MROH1: variants seen among roughly 807,000 people sequenced by gnomAD.
MROH1 encodes the protein maestro heat-like repeat-containing protein family member 1.
Under a neutral mutation model 116.5 loss-of-function variants are expected in MROH1, and 117 were observed. The observed-to-expected ratio is 1.00, with a 90% confidence interval of 0.86 to 1.17. The LOEUF (loss-of-function observed/expected upper bound fraction) is 1.17, where lower values mean the gene tolerates loss of function less well. Ranked by LOEUF, MROH1 falls within the 50% of genes most tolerant of loss-of-function variation. The probability of loss-of-function intolerance (pLI) is 0.00; values close to 1 mark genes in which losing one functional copy is unlikely to be tolerated. For synonymous variants in MROH1, 921 were observed against 583.9 expected (o/e 1.58, Z -8.32); for missense variants, 1,873 against 1,338.5 (o/e 1.40, Z -6.23).
intron 7 of MROH1, among the ~76,000 whole-genome samples, chr8:144,186,455 A>G: frequency 6.6e-6 from 1 of 152,046 alleles, no homozygotes; most frequent in Non-Finnish European, 1.5e-5. Flanking sequence ...CATCACCACA[A>G]AAGAGATCCA....
Position 144,257,663 on chromosome 8 carries a change from CG to C in MROH1, c.3792-1110del, listed in dbSNP as rs1377695759. On this transcript the variant is annotated intron_variant, in intron 35 of 43. Coordinates refer to ENST00000326134, the MANE Select transcript of MROH1 (RefSeq NM_032450.3). ...GAGTAGGGCCTGGCCCCCAGCTTGG[CG>C]GGGCCACTTGTTCCCTGCTAGGCCC... is the stretch of plus-strand genomic sequence containing the variant. Among the ~76,000 whole-genome samples, 35 of 152,328 alleles carry C rather than the reference CG, an allele frequency of 2.3e-4. No homozygotes were observed. The East Asian group carries it at 6.4e-3, about 28-fold the overall frequency.
intron 7 of MROH1, among the ~76,000 whole-genome samples, chr8:144,189,647 G>A (rs1249655433): frequency 6.6e-6 from 1 of 152,226 alleles, no homozygotes; most frequent in East Asian, 1.9e-4. Context: ...CTGGCACACT[G>A]TCAGGAGCCG....
intron 1 of MROH1, among the ~76,000 whole-genome samples, chr8:144,150,827 A>T (rs1816547191): frequency 6.6e-6 from 1 of 152,150 alleles, no homozygotes; most frequent in African/African-American, 2.4e-5. Context: ...AGAGTAGAGC[A>T]TGGTCCCTGG....
At chr8:144,156,771 G>C (rs1471209642) in intron 1 of MROH1, among the ~76,000 whole-genome samples, 4 of 121,410 alleles carry the variant, frequency 3.3e-5, no homozygotes, top group African/African-American at 9.0e-5. Context: ...TTGCTTTGTA[G>C]TTTAATTTCT....
At chr8:144,158,191 C>G (rs977338734) in intron 1 of MROH1, among the ~76,000 whole-genome samples, 133 of 151,636 alleles carry the variant, frequency 8.8e-4, no homozygotes, top group African/African-American at 3.1e-3. Flanking sequence ...TCGGGTTTCA[C>G]CATACTGGCC....
rs1844895133 is a variant in MROH1, at chr8:144,260,788, C to T, written c.4492C>T (p.Pro1498Ser). ...GGACCAGGTGGTGGGCGGGCTGGCGCCCCTGCTGCTGCACCTGCAGGACCC... is the reference window on the plus strand; with the variant it reads ...GGACCAGGTGGTGGGCGGGCTGGCGTCCCTGCTGCTGCACCTGCAGGACCC... ...FLDQVVGGLA[P>S]LLLHLQDPQA... The change falls in exon 40 of 44, where the codon CCC (proline) becomes TCC (serine). Residue 1498 changes from proline to serine, a missense_variant. By Grantham distance (74) the Pro-to-Ser change is moderately conservative (BLOSUM62 -1). Transcript: ENST00000326134. 3.9e-6 allele frequency: 3 copies of T among 778,324 alleles called. No homozygotes were observed. The highest frequency in any genetic ancestry group is 2.7e-5 in the South Asian group (2 of 74,592). The allele number at this position is 778,324 out of a possible 1,614,324, so 48.2% of individuals were successfully genotyped here. A position where few individuals can be genotyped will look rare whatever the true frequency, so the allele number is the denominator to read the frequency against.
At chr8:144,151,808 C>A (rs928363996) in intron 1 of MROH1, among the ~76,000 whole-genome samples, 1 of 152,202 alleles carries the variant, frequency 6.6e-6, no homozygotes, top group African/African-American at 2.4e-5. Flanking sequence ...GTTTGGGCAG[C>A]GGGGCACTGA....
rs538503198 is a variant in MROH1, at chr8:144,168,578, A to G, written c.168+138A>G. On this transcript the variant is annotated intron_variant, in intron 4 of 43. Transcript: ENST00000326134. ...GGTGGCCACATGTCTAACCCCCTCC[A>G]CACGTGCCTATGTCAGGGTGGGTAA... The G allele has an allele frequency of 4.8e-5, 48 of 990,798 alleles. No homozygotes were observed. The African/African-American group carries it at 6.7e-4, about 14-fold the overall frequency. The allele number at this position is 990,798 out of a possible 1,614,324, so 61.4% of individuals were successfully genotyped here.
chr8:144,219,010 T>C (rs937079204), intron 12 of MROH1, among the ~76,000 whole-genome samples: 1 of 133,204 alleles, frequency 7.5e-6, no homozygotes, highest in Non-Finnish European at 1.5e-5. Flanking sequence ...AATTTTTGTG[T>C]TTTTTTTTGT....
At chr8:144,237,745 G>C (rs936497448) in intron 14 of MROH1, among the ~76,000 whole-genome samples, 1 of 152,090 alleles carries the variant, frequency 6.6e-6, no homozygotes, top group Non-Finnish European at 1.5e-5. Flanking sequence ...CTGTCGCTGG[G>C]ATTTTCCTTG....
At chr8:144,254,760 G>T (rs1843403740) in intron 33 of MROH1, 53 bp from the exon 34 acceptor site, 1 of 732,618 alleles carries the variant, frequency 1.4e-6, no homozygotes. Flanking sequence ...GTGGCGGGGG[G>T]CAGGCGCCCT....
In MROH1 at chr8:144,232,998, A is replaced by C. The variant is rs528292112; in HGVS notation, c.1339-5758A>C. 8.6e-5 allele frequency among the ~76,000 whole-genome samples: 13 copies of C among 151,138 alleles called. No individual in the cohort carries two copies. In the East Asian group the frequency reaches 2.6e-3, roughly 30 times the overall value. ...GGCACCACCACACCTGGCTAATATT[A>C]AGTTCTGTTTTTGTAGGGATGGGGT... is the stretch of plus-strand genomic sequence containing the variant. On this transcript the variant is annotated intron_variant, in intron 14 of 43. Coordinates refer to ENST00000326134, the MANE Select transcript of MROH1 (RefSeq NM_032450.3).
At chr8:144,224,354 T>C (rs192182155) in intron 14 of MROH1, among the ~76,000 whole-genome samples, 133 of 152,180 alleles carry the variant, frequency 8.7e-4, no homozygotes, top group Admixed American at 1.6e-3. Context: ...ACTGCAGCCT[T>C]GAACTGTGCT....
At position 144,260,743 on chromosome 8, in the gene MROH1, G is replaced by A. The variant is rs1844885251; in HGVS notation, c.4447G>A (p.Asp1483Asn). Residue 1483 changes from aspartate to asparagine, a missense_variant, in exon 40 of 44, where the codon GAC becomes AAC. Asp to Asn is a conservative substitution (Grantham distance 23). Coordinates refer to ENST00000326134, the MANE Select transcript of MROH1 (RefSeq NM_032450.3). ...GCACCTTAACAAGGTCTGCCACGGA[G>A]ACTGTGAGGACGTCTTCCTGGACCA... Reference protein sequence around the residue: ...FGHLNKVCHGDCEDVFLDQVV... With the variant: ...FGHLNKVCHGNCEDVFLDQVV... 2.6e-6 allele frequency: 2 copies of A among 779,350 alleles called. No individual in the cohort carries two copies. The highest frequency in any genetic ancestry group is 4.8e-6 in the Non-Finnish European group (2 of 417,792). 48.3% of individuals were successfully genotyped at this position (779,350 alleles called of 1,614,324 possible). A position where few individuals can be genotyped will look rare whatever the true frequency, so the allele number is the denominator to read the frequency against.
At position 144,200,488 on chromosome 8, in the gene MROH1, A is replaced by G; in HGVS notation, c.1088A>G (p.Glu363Gly). The G allele has an allele frequency of 2.6e-6, 4 of 1,552,132 alleles. No homozygotes were observed. The highest frequency in any genetic ancestry group is 3.5e-6 in the Non-Finnish European group (4 of 1,147,752). ...CTGCCCAGGCTGGACACCAGCAATG[A>G]GAGGACCCGCGTGGGCACCCTGCAG... Reference protein sequence around the residue: ...FLLPRLDTSNERTRVGTLQVV... With the variant: ...FLLPRLDTSNGRTRVGTLQVV... Residue 363 changes from glutamate (E) to glycine (G), a missense_variant, in exon 12 of 44, where the codon GAG becomes GGG. Physicochemically the swap from Glu to Gly is moderately conservative, Grantham distance 98 (BLOSUM62 -2). Transcript: ENST00000326134.
intron 14 of MROH1, among the ~76,000 whole-genome samples, chr8:144,229,567 G>T (rs1838444996): frequency 6.6e-6 from 1 of 151,636 alleles, no homozygotes; most frequent in African/African-American, 2.4e-5. Context: ...GTTTTGTCTT[G>T]TTTTTTTAAA....
Position 144,180,324 on chromosome 8 carries a change from CCT to C in MROH1, c.451_452del (p.Ser151GlyfsTer106). On this transcript the variant is annotated frameshift_variant, in exon 6 of 44. Transcript: ENST00000326134. LOFTEE classifies it high-confidence loss of function. This position sits in a 1 kb window ranked among gnomAD's most constrained non-coding sequence, Gnocchi z 7.4. ...HCAVLHTLAS[L>X]SVANAFGVVP... is the part of the protein sequence containing the mutation. The stretch of plus-strand genomic sequence containing the variant: ...GCGCCGTGCTGCACACCCTCGCCAG[CCT>C]CTCGGTGGCCAACGGTAGGTGACGC... 1 of 1,606,626 alleles carries C rather than the reference CCT, an allele frequency of 6.2e-7. No individual in the cohort carries two copies. The highest frequency in any genetic ancestry group is 8.5e-7 in the Non-Finnish European group (1 of 1,179,306).
chr8:144,191,928 T>A, intron 9 of MROH1, 73 bp downstream of exon 9: 1 of 1,561,728 alleles, frequency 6.4e-7, no homozygotes, highest in Non-Finnish European at 8.7e-7. Context: ...TGGCCGTGAG[T>A]CCTCGGCTAG....
At chr8:144,240,238 G>T in intron 19 of MROH1, 85 bp downstream of exon 19, 2 of 663,286 alleles carry the variant, frequency 3.0e-6, no homozygotes, top group Non-Finnish European at 5.5e-6. Flanking sequence ...TGGGCCACCT[G>T]CCTCGACCTC....
Sources: allele counts gnomAD v4.1 joint callset (sites outside exome capture counted in the v4.1 genomes callset), GRCh38; gene constraint gnomAD v4.1.1; non-coding constraint Gnocchi (gnomAD v3.1); transcripts MANE v1.5; gene names NCBI Gene and HGNC (gene_info 2026-07-23, HGNC 2026-07-21).